CSMD3: variants seen among roughly 807,000 people sequenced by gnomAD.
CSMD3 encodes CUB and sushi domain-containing protein 3.
CSMD3 carries 177 observed loss-of-function variants against 435.2 expected under a neutral mutation model. The observed-to-expected ratio is 0.41, with a 90% CI of 0.36 to 0.46. CSMD3 has a LOEUF of 0.46. Among genes scored for constraint, CSMD3 ranks in the 20% least tolerant of loss-of-function variants. CSMD3 has a pLI of 0.34. For synonymous variants in CSMD3, 1,656 were observed against 1,520.5 expected (o/e 1.09, Z -2.07); for missense variants, 4,265 against 4,504.6 (o/e 0.95, Z 1.52).
Position 113,278,600 on chromosome 8 carries a change from T to C in CSMD3, c.506A>G (p.Tyr169Cys). 1 of 1,508,374 alleles carries C rather than the reference T, an allele frequency of 6.6e-7. No individual in the cohort carries two copies. Among genetic ancestry groups the C allele is most frequent in the South Asian group, 1.1e-5 (1 of 88,904 alleles). 93.4% of individuals were successfully genotyped at this position (1,508,374 alleles called of 1,614,324 possible). Residue 169 changes from tyrosine (Y) to cysteine (C), a missense_variant, in exon 3 of 71, where the codon TAT (tyrosine) becomes TGT (cysteine). Around this residue, in one of 3 missense-constraint regions of CSMD3, gnomAD observed 731 missense variants for 755.4 expected, o/e 0.97. Transcript: ENST00000297405. Reference sequence around the variant, plus strand: ...CCACTACCATCACTTACCTTCGTAATATACCTTAAATCCATGAGCACTAAC... The same window carrying C: ...CCACTACCATCACTTACCTTCGTAACATACCTTAAATCCATGAGCACTAAC... ...FAVSAHGFKVYYEELQSSSCG... is the reference protein window; with the variant it reads ...FAVSAHGFKVCYEELQSSSCG...
intron 70 of CSMD3, among the ~76,000 whole-genome samples, chr8:112,227,575 A>G (rs1406769935): frequency 6.6e-6 from 1 of 152,230 alleles, no homozygotes; most frequent in Non-Finnish European, 1.5e-5. Context: ...TATCTATTTT[A>G]CCACAATTTT....
chr8:113,065,500 C>A (rs2088813534), intron 5 of CSMD3, among the ~76,000 whole-genome samples: 1 of 152,104 alleles, frequency 6.6e-6, no homozygotes, highest in Non-Finnish European at 1.5e-5. Flanking sequence ...CATTCTCCTG[C>A]CTCAGCCTCC....
chr8:112,255,559 T>C (rs944678532), intron 61 of CSMD3, 132 bp from the exon 62 acceptor site: 2 of 796,298 alleles, frequency 2.5e-6, no homozygotes, highest in African/African-American at 1.8e-5. Context: ...GCTATCCCAA[T>C]GAAAAAATTT....
intron 16 of CSMD3, among the ~76,000 whole-genome samples, chr8:112,672,894 T>C (rs980913790): frequency 4.6e-5 from 7 of 152,056 alleles, no homozygotes; most frequent in Non-Finnish European, 8.8e-5. Context: ...TCAGACTGCA[T>C]TCAGATAAAA....
chr8:112,510,688 C>G (rs899665743), intron 28 of CSMD3, among the ~76,000 whole-genome samples: 8 of 152,112 alleles, frequency 5.3e-5, no homozygotes, highest in African/African-American at 1.9e-4. Context: ...TATTAACCCT[C>G]TGGTATCCAT....
Position 112,306,118 on chromosome 8 carries a change from C to T in CSMD3, c.7960G>A (p.Val2654Ile). ...LTTDYLVGTR[V>I]TYFCNDGYRL... ...TATCCATCATTACAAAAATAGGTAA[C>T]TCGCGTTCCTACCAAATAGTCTGTT... Residue 2654 changes from valine (V) to isoleucine (I), a missense_variant, in exon 51 of 71, where the codon GTT becomes ATT. Physicochemically the swap from Val to Ile is conservative, Grantham distance 29. Around this residue, in one of 3 missense-constraint regions of CSMD3, gnomAD observed 3,255 missense variants for 3,380.2 expected, o/e 0.96. Coordinates refer to ENST00000297405, the MANE Select transcript of CSMD3 (RefSeq NM_198123.2). The T allele has an allele frequency of 6.2e-7, 1 of 1,612,894 alleles. No individual in the cohort carries two copies. Among genetic ancestry groups the T allele is most frequent in the Non-Finnish European group, 8.5e-7 (1 of 1,178,994 alleles).
chr8:112,414,292 C>A (rs1649725497), intron 32 of CSMD3, among the ~76,000 whole-genome samples: 2 of 152,072 alleles, frequency 1.3e-5, no homozygotes, highest in African/African-American at 4.8e-5. Flanking sequence ...GTAATTGAAT[C>A]ATGGAGGTTG....
chr8:112,765,070 C>T (rs1338028133), intron 13 of CSMD3, among the ~76,000 whole-genome samples: 1 of 151,484 alleles, frequency 6.6e-6, no homozygotes, highest in Non-Finnish European at 1.5e-5. Flanking sequence ...AAGATCTGAT[C>T]ATGAAGAGCT....
intron 45 of CSMD3, among the ~76,000 whole-genome samples, chr8:112,330,970 C>G (rs201378039): frequency 1.3e-5 from 2 of 151,892 alleles, no homozygotes; most frequent in East Asian, 3.9e-4. Flanking sequence ...CTTATTAGTT[C>G]TCTGGCTTTA....
intron 22 of CSMD3, among the ~76,000 whole-genome samples, chr8:112,597,136 G>T (rs967570586): frequency 6.6e-6 from 1 of 151,116 alleles, no homozygotes; most frequent in African/African-American, 2.4e-5. Flanking sequence ...TAATAAAGAA[G>T]AAAAGAGAGA....
chr8:113,153,125 G>GAAAGAA (rs760951695), intron 4 of CSMD3, among the ~76,000 whole-genome samples: 2 of 59,586 alleles, frequency 3.4e-5, no homozygotes, highest in African/African-American at 1.6e-4. Flanking sequence ...AAGAAAGAAA[G>GAAAGAA]AGAAAGAAGG....
intron 13 of CSMD3, among the ~76,000 whole-genome samples, chr8:112,794,792 C>T (rs7824968): frequency 3.3e-5 from 5 of 152,092 alleles, no homozygotes; most frequent in South Asian, 2.1e-4. Flanking sequence ...TTGAAATTAA[C>T]GTACCCATAA....
intron 13 of CSMD3, among the ~76,000 whole-genome samples, chr8:112,744,163 A>G (rs1191827647): frequency 1.3e-5 from 2 of 152,100 alleles, no homozygotes; most frequent in Non-Finnish European, 2.9e-5. Flanking sequence ...CAATTTGTCC[A>G]TACCACAGCA....
intron 6 of CSMD3, among the ~76,000 whole-genome samples, chr8:112,996,264 A>T (rs1266532429): frequency 6.6e-6 from 1 of 151,472 alleles, no homozygotes; most frequent in Non-Finnish European, 1.5e-5. Context: ...CCAACCTCCG[A>T]CCCTAGCCCC....
chr8:112,335,908 A>G (rs1164638724), intron 44 of CSMD3, among the ~76,000 whole-genome samples: 1 of 151,910 alleles, frequency 6.6e-6, no homozygotes, highest in East Asian at 1.9e-4. Flanking sequence ...TCTTTAATAC[A>G]TTTTTATTTA....
intron 3 of CSMD3, among the ~76,000 whole-genome samples, chr8:113,236,463 T>C (rs532367948): frequency 1.3e-5 from 2 of 152,256 alleles, no homozygotes; most frequent in South Asian, 2.1e-4. Flanking sequence ...CGGGGCTGAA[T>C]AGAACAGAAT....
chr8:113,340,296 C>T (rs1322053895), intron 1 of CSMD3, among the ~76,000 whole-genome samples: 1 of 151,946 alleles, frequency 6.6e-6, no homozygotes, highest in Non-Finnish European at 1.5e-5. Context: ...GACATTAGAC[C>T]ATTTTAACTC....
intron 30 of CSMD3, among the ~76,000 whole-genome samples, chr8:112,501,136 A>C: frequency 6.6e-6 from 1 of 151,492 alleles, no homozygotes. Context: ...TCTGCCCCTA[A>C]ACTCACTCTT....
At chr8:113,334,372 G>A (rs2094054090) in intron 1 of CSMD3, among the ~76,000 whole-genome samples, 1 of 148,008 alleles carries the variant, frequency 6.8e-6, no homozygotes, top group Admixed American at 6.8e-5. Context: ...CTCTTAATAT[G>A]GTGGATGACA....
Sources: gnomAD v4.1 joint callset for allele counts (sites outside exome capture counted in the v4.1 genomes callset) on GRCh38, gnomAD v4.1.1 for gene constraint, gnomAD v4.1.1 regional missense constraint, MANE v1.5 for transcripts, NCBI Gene and HGNC (gene_info 2026-07-23, HGNC 2026-07-21) for gene names.